PCDHA7: variants seen among roughly 807,000 people sequenced by gnomAD.
The protein encoded by PCDHA7 is protocadherin alpha 7.
In PCDHA7, 37 loss-of-function variants were observed where a neutral mutation model predicts 57.2. The observed-to-expected ratio is 0.65, with a 90% CI of 0.50 to 0.85. PCDHA7 has a LOEUF of 0.85. Ranked by LOEUF, PCDHA7 falls within the 40% of genes least tolerant of loss-of-function variation. The pLI, the probability that PCDHA7 is intolerant of heterozygous loss-of-function variation, is 0.00. For missense variants in PCDHA7, 1,188 were observed against 1,241.8 expected (o/e 0.96, Z 0.65); for synonymous variants, 553 against 558.8 (o/e 0.99, Z 0.15).
intron 3 of PCDHA7, among the ~76,000 whole-genome samples, chr5:140,997,797 C>T (rs2097786104): frequency 6.6e-6 from 1 of 151,944 alleles, no homozygotes; most frequent in Non-Finnish European, 1.5e-5. Context: ...TATAATTTAT[C>T]CAATTTGCTG....
chr5:140,836,266 C>A lies in PCDHA7; in HGVS notation c.1883C>A (p.Thr628Asn). ...ASIPFRVGLY[T>N]GEISTTRALD... Reference sequence around the variant, plus strand: ...ATCCCGTTCCGCGTGGGGCTGTACACTGGTGAGATCAGCACGACACGAGCC... The same window carrying A: ...ATCCCGTTCCGCGTGGGGCTGTACAATGGTGAGATCAGCACGACACGAGCC... The change falls in exon 1 of 4, where the codon ACT becomes AAT. Residue 628 changes from threonine to asparagine, a missense_variant. By Grantham distance (65) the Thr-to-Asn change is moderately conservative (BLOSUM62 0). Coordinates refer to ENST00000525929, the MANE Select transcript of PCDHA7 (RefSeq NM_018910.3). 1 of 1,613,806 alleles carries A rather than the reference C, an allele frequency of 6.2e-7. No individual in the cohort carries two copies.
At chr5:140,882,565 C>T (rs782122682) in intron 1 of PCDHA7, 5 of 1,614,118 alleles carry the variant, frequency 3.1e-6, no homozygotes, top group Non-Finnish European at 4.2e-6. Context: ...GTGGGCGGAG[C>T]GCGGAGTGCA....
At chr5:140,971,732 T>C (rs1554233582) in intron 1 of PCDHA7, among the ~76,000 whole-genome samples, 2 of 151,638 alleles carry the variant, frequency 1.3e-5, no homozygotes, top group African/African-American at 4.8e-5. Flanking sequence ...ATCATACATA[T>C]ACACATACAT....
intron 1 of PCDHA7, chr5:140,857,754 C>T: frequency 6.3e-7 from 1 of 1,597,392 alleles, no homozygotes; most frequent in Non-Finnish European, 8.6e-7. Flanking sequence ...GCGTCTCCCG[C>T]TGGCAGCGCG....
intron 1 of PCDHA7, chr5:140,841,998 T>C (rs2150327142): frequency 6.2e-7 from 1 of 1,613,848 alleles, no homozygotes; most frequent in South Asian, 1.1e-5. Flanking sequence ...ACAGGCACTG[T>C]TCAGCTGCTG....
intron 1 of PCDHA7, chr5:140,858,528 T>A (rs2045469480): frequency 1.4e-6 from 2 of 1,404,940 alleles, no homozygotes; most frequent in South Asian, 2.5e-5. Context: ...AATATTTCAT[T>A]TTTGTCTACA....
At chr5:140,919,254 T>A (rs1554198989) in intron 1 of PCDHA7, among the ~76,000 whole-genome samples, 1 of 152,266 alleles carries the variant, frequency 6.6e-6, no homozygotes. Context: ...CTGTTTTGTC[T>A]GATATTAGTG....
chr5:140,993,460 T>TCACACACA (rs1554253699), intron 3 of PCDHA7, among the ~76,000 whole-genome samples: 14 of 104,506 alleles, frequency 1.3e-4, no homozygotes, highest in African/African-American at 2.4e-4. Flanking sequence ...CTTCTTTCTT[T>TCACACACA]CTCACACACA....
chr5:140,836,653 G>T lies in PCDHA7; in HGVS notation c.2270G>T (p.Arg757Met), dbSNP rs2150266924. ...TCATTCTCCCAGCAGAGGCGGCAGA[G>T]GGTGTGCTCTGGGGAGGGCCCACCC... The part of the protein sequence containing the change: ...SWSFSQQRRQ[R>M]VCSGEGPPKT... The change falls in exon 1 of 4, where the codon AGG becomes ATG. Residue 757 changes from arginine (R) to methionine (M), a missense_variant. By Grantham distance (91) the Arg-to-Met change is moderately conservative. Transcript: ENST00000525929. The T allele has an allele frequency of 1.9e-5, 30 of 1,613,390 alleles. 1 individual carries two copies. Among genetic ancestry groups the T allele is most frequent in the African/African-American group, 4.0e-5 (3 of 74,806 alleles).
chr5:140,993,562 C>G (rs1233872464), intron 3 of PCDHA7, among the ~76,000 whole-genome samples: 3 of 150,520 alleles, frequency 2.0e-5, no homozygotes, highest in Non-Finnish European at 4.4e-5. Flanking sequence ...TATATAGTAT[C>G]CTTTCTAGGG....
chr5:140,917,741 C>G (rs2078335946), intron 1 of PCDHA7, among the ~76,000 whole-genome samples: 1 of 152,048 alleles, frequency 6.6e-6, no homozygotes, highest in Non-Finnish European at 1.5e-5. Flanking sequence ...CTAACCTGTC[C>G]CATTGGTCTA....
At position 140,836,012 on chromosome 5, in the gene PCDHA7, G is replaced by A. The variant is rs2150250608; in HGVS notation, c.1629G>A (p.Pro543=). ...TGAGCGCGCGCGATGCGGGCGTGCC[G>A]CCTCTGGGCAGCAACGTGACGCTGC... ...FQVSARDAGV[P]PLGSNVTLQV... is the part of the protein sequence containing the mutation. Residue 543 remains proline, a synonymous_variant, in exon 1 of 4, where the codon CCG becomes CCA. Coordinates refer to ENST00000525929, the MANE Select transcript of PCDHA7 (RefSeq NM_018910.3). 1.8e-5 allele frequency: 29 copies of A among 1,613,192 alleles called. No individual in the cohort carries two copies. In the Admixed American group the frequency reaches 4.3e-4, roughly 24 times the overall value.
intron 1 of PCDHA7, among the ~76,000 whole-genome samples, chr5:140,847,068 T>C (rs1780845671): frequency 6.7e-6 from 1 of 149,654 alleles, no homozygotes; most frequent in South Asian, 2.1e-4. Context: ...AGCATCAATA[T>C]GACAAGTAGA....
intron 1 of PCDHA7, chr5:140,855,966 T>C (rs1554148056): frequency 7.0e-7 from 1 of 1,422,664 alleles, no homozygotes; most frequent in South Asian, 1.4e-5. Flanking sequence ...AAAATAGATA[T>C]AAGAAATAGG....
chr5:140,859,927 A>G (rs1296278263), intron 1 of PCDHA7: 2 of 152,054 alleles, frequency 1.3e-5, no homozygotes, highest in African/African-American at 2.4e-5. Context: ...AGTAATATAA[A>G]AAACTTAGTA....
At chr5:140,888,265 A>G (rs2061758269) in intron 1 of PCDHA7, among the ~76,000 whole-genome samples, 1 of 152,096 alleles carries the variant, frequency 6.6e-6, no homozygotes, top group Non-Finnish European at 1.5e-5. Flanking sequence ...TCTTGATAAG[A>G]AACAGTTTTG....
intron 1 of PCDHA7, among the ~76,000 whole-genome samples, chr5:140,902,200 TTTC>T (rs1318376699): frequency 6.9e-6 from 1 of 144,634 alleles, no homozygotes; most frequent in African/African-American, 2.7e-5. Flanking sequence ...TCTCTCTCTC[TTTC>T]TTTTTTTTTT....
intron 1 of PCDHA7, among the ~76,000 whole-genome samples, chr5:140,854,934 C>G (rs1363898254): frequency 6.7e-6 from 1 of 149,702 alleles, no homozygotes; most frequent in Non-Finnish European, 1.5e-5. Flanking sequence ...CCTCTGAAAG[C>G]AGAAATAATA....
At chr5:140,888,315 C>A (rs2061784289) in intron 1 of PCDHA7, among the ~76,000 whole-genome samples, 1 of 152,084 alleles carries the variant, frequency 6.6e-6, no homozygotes, top group Non-Finnish European at 1.5e-5. Flanking sequence ...TTGGCAATGC[C>A]TGGATACATT....
Sources: gnomAD v4.1 joint callset for allele counts (sites outside exome capture counted in the v4.1 genomes callset) on GRCh38, gnomAD v4.1.1 for gene constraint, MANE v1.5 for transcripts, NCBI Gene and HGNC (gene_info 2026-07-23, HGNC 2026-07-21) for gene names.